Variants in RNF13 observed in about 807,000 individuals in gnomAD.
The protein encoded by RNF13 is ring finger protein 13, also known as E3 ubiquitin-protein ligase RNF13.
In RNF13, 19 loss-of-function variants were observed where a neutral mutation model predicts 37.7. The observed-to-expected ratio is 0.50, with a 90% CI of 0.35 to 0.74. The LOEUF is 0.74. Among genes scored for constraint, RNF13 ranks in the 30% least tolerant of loss-of-function variants. RNF13 has a pLI of 0.01. For missense variants in RNF13, 375 were observed against 453.0 expected (o/e 0.83, Z 1.56); for synonymous variants, 144 against 157.8 (o/e 0.91, Z 0.65).
Position 149,947,128 on chromosome 3 carries a change from A to G in RNF13, c.701-12928A>G, listed in dbSNP as rs138055872. ...TTTCATTGTGCTGAGGTTGGAGAAT[A>G]TATTTGTATGACTTCAATCTTCTTA... On this transcript the variant is annotated intron_variant, in intron 8 of 9. Transcript: ENST00000392894. 2.7e-3 allele frequency among the ~76,000 whole-genome samples: 416 copies of G among 152,172 alleles called. 2 individuals carry two copies. The highest frequency in any genetic ancestry group is 9.3e-3 in the African/African-American group (388 of 41,520).
intron 8 of RNF13, among the ~76,000 whole-genome samples, chr3:149,950,744 G>A (rs537096870): frequency 3.3e-5 from 5 of 151,988 alleles, no homozygotes; most frequent in African/African-American, 7.2e-5. Flanking sequence ...CCAAAGTGCT[G>A]GGATTACAGA....
At chr3:149,851,442 A>G (rs1293841992) in intron 2 of RNF13, 2 of 152,210 alleles carry the variant, frequency 1.3e-5, no homozygotes, top group African/African-American at 4.8e-5. Flanking sequence ...AGCGTTAACC[A>G]ATGGGTGTTT....
chr3:149,858,603 A>G (rs1370500006), intron 3 of RNF13, among the ~76,000 whole-genome samples: 3 of 152,334 alleles, frequency 2.0e-5, no homozygotes, highest in Admixed American at 1.3e-4. Context: ...GCCATGATCC[A>G]TATATACTGT....
At chr3:149,858,147 A>T (rs1723848314) in intron 3 of RNF13, among the ~76,000 whole-genome samples, 1 of 152,170 alleles carries the variant, frequency 6.6e-6, no homozygotes, top group Admixed American at 6.5e-5. Context: ...CCCTCACCAG[A>T]AGCTGAGCAG....
chr3:149,888,876 A>G lies in RNF13; in HGVS notation c.322-6597A>G, dbSNP rs554171923. 4.3e-4 allele frequency among the ~76,000 whole-genome samples: 66 copies of G among 152,354 alleles called. 1 individual carries two copies. In the South Asian group the frequency reaches 0.012, roughly 29 times the overall value. The stretch of plus-strand genomic sequence containing the variant: ...GAAGTTAAAGAGGATTGAAGATTAT[A>G]GGAAATGTAACAATGTGAATAGATT... On this transcript the variant is annotated intron_variant, in intron 4 of 9. Coordinates refer to ENST00000392894, the MANE Select transcript of RNF13 (RefSeq NM_183381.3).
intron 7 of RNF13, chr3:149,917,366 TTC>T (rs1717645998): frequency 6.6e-6 from 1 of 152,190 alleles, no homozygotes; most frequent in Non-Finnish European, 1.5e-5. Context: ...CAATAAAAAA[TTC>T]TGTTTCTTGC....
chr3:149,941,325 G>C (rs1399018287), intron 8 of RNF13, among the ~76,000 whole-genome samples: 4 of 152,016 alleles, frequency 2.6e-5, no homozygotes, highest in Admixed American at 2.6e-4. Flanking sequence ...CATCACCAGT[G>C]CACAAGGGCT....
chr3:149,920,041 C>G (rs80214179), intron 7 of RNF13, among the ~76,000 whole-genome samples: 2,624 of 152,140 alleles, frequency 0.017, 84 homozygotes, highest in African/African-American at 0.059. Context: ...TGCTGTTTGT[C>G]TTGTATAGTG....
At chr3:149,882,435 G>A (rs1391867234) in intron 4 of RNF13, among the ~76,000 whole-genome samples, 1 of 151,926 alleles carries the variant, frequency 6.6e-6, no homozygotes, top group Admixed American at 6.6e-5. Context: ...ATTTTTCTAG[G>A]CTTGAGATAT....
At chr3:149,915,828 A>T (rs1454706221) in intron 7 of RNF13, among the ~76,000 whole-genome samples, 1 of 152,184 alleles carries the variant, frequency 6.6e-6, no homozygotes, top group African/African-American at 2.4e-5. Context: ...GGTGGTTGCC[A>T]GGGACTGAGG....
At chr3:149,887,597 G>A (rs1714194851) in intron 4 of RNF13, among the ~76,000 whole-genome samples, 1 of 152,190 alleles carries the variant, frequency 6.6e-6, no homozygotes. Context: ...ACCATGCCCT[G>A]TCTTCTAGAA....
At position 149,921,543 on chromosome 3, in the gene RNF13, C is replaced by T. The variant is rs138265860; in HGVS notation, c.700+316C>T. On this transcript the variant is annotated intron_variant, in intron 8 of 9. Transcript: ENST00000392894. ...TTCACCTTCCACTTATGAGTGAGAA[C>T]ACGCAGTGTTTGGTTTTCTGTCCTT... 9.2e-3 allele frequency among the ~76,000 whole-genome samples: 1,397 copies of T among 152,172 alleles called. 9 individuals are homozygous for T. The highest frequency in any genetic ancestry group is 0.016 in the Non-Finnish European group (1,089 of 68,016).
At chr3:149,865,336 A>ATAT (rs928133165) in intron 3 of RNF13, among the ~76,000 whole-genome samples, 2 of 146,604 alleles carry the variant, frequency 1.4e-5, no homozygotes, top group African/African-American at 5.0e-5. Context: ...GGTGATATAT[A>ATAT]TATATATATA....
intron 4 of RNF13, among the ~76,000 whole-genome samples, chr3:149,880,118 TCA>T (rs1309227661): frequency 1.3e-5 from 2 of 152,198 alleles, no homozygotes; most frequent in Non-Finnish European, 2.9e-5. Flanking sequence ...AATTGCTCCA[TCA>T]CAGTTACTTT....
intron 3 of RNF13, among the ~76,000 whole-genome samples, chr3:149,863,277 G>A (rs548079317): frequency 1.3e-5 from 2 of 152,354 alleles, no homozygotes; most frequent in African/African-American, 4.8e-5. Context: ...GCTGTGGTAA[G>A]TAATGAATGA....
At position 149,835,474 on chromosome 3, in the gene RNF13, G is replaced by A. The variant is rs577267033; in HGVS notation, c.-16-10537G>A. Among the ~76,000 whole-genome samples the A allele has an allele frequency of 2.6e-4, 40 of 151,788 alleles. 1 individual carries two copies. Among genetic ancestry groups the A allele is most frequent in the South Asian group, 2.1e-3 (10 of 4,808 alleles). On this transcript the variant is annotated intron_variant, in intron 1 of 9. Coordinates refer to ENST00000392894, the MANE Select transcript of RNF13 (RefSeq NM_183381.3). ...AAGTCCATTGTATCATTCTTATACC[G>A]TTGCATTCTCGTAGCTTAGCTCCCA...
chr3:149,838,774 C>T (rs1576742277), intron 1 of RNF13, among the ~76,000 whole-genome samples: 1 of 151,850 alleles, frequency 6.6e-6, no homozygotes, highest in South Asian at 2.1e-4. Flanking sequence ...TGGCAATTAA[C>T]ATTTGGCTCC....
At chr3:149,849,350 T>C (rs921218879) in intron 2 of RNF13, among the ~76,000 whole-genome samples, 2 of 152,012 alleles carry the variant, frequency 1.3e-5, no homozygotes, top group East Asian at 3.9e-4. Context: ...TCAGAGAGAA[T>C]TGGTTGCTGG....
At chr3:149,922,059 C>A (rs138599646) in intron 8 of RNF13, among the ~76,000 whole-genome samples, 1 of 152,012 alleles carries the variant, frequency 6.6e-6, no homozygotes, top group African/African-American at 2.4e-5. Flanking sequence ...CTGCAGCCTC[C>A]GCCCCCCAGG....
Sources: gnomAD v4.1 joint callset for allele counts (sites outside exome capture counted in the v4.1 genomes callset) on GRCh38, gnomAD v4.1.1 for gene constraint, MANE v1.5 for transcripts, NCBI Gene and HGNC (gene_info 2026-07-23, HGNC 2026-07-21) for gene names.